The following PHYKPL variants were observed in gnomAD, a reference collection of about 807,000 sequenced individuals.
PHYKPL encodes the protein 5-phosphohydroxy-L-lysine phospho-lyase.
Under a neutral mutation model 51.3 loss-of-function variants are expected in PHYKPL, and 42 were observed. The observed-to-expected ratio is 0.82, with a 90% CI of 0.64 to 1.06. PHYKPL has a LOEUF of 1.06. Among genes scored for constraint, PHYKPL ranks in the 50% least tolerant of loss-of-function variants. PHYKPL has a pLI of 0.00. For missense variants in PHYKPL, 655 were observed against 586.6 expected, an observed-to-expected ratio of 1.12 and a Z score of -1.20; for synonymous variants, 264 against 236.0, an observed-to-expected ratio of 1.12 and a Z score of -1.09.
At chr5:178,230,161 C>A in intron 2 of PHYKPL, 62 bp from the exon 3 acceptor site, 1 of 1,598,616 alleles carries the variant, frequency 6.3e-7, no homozygotes, top group Non-Finnish European at 8.5e-7. Flanking sequence ...CTGGGCCTCC[C>A]CCAGCCCCAA....
chr5:178,223,353 G>A (rs1761594093), intron 6 of PHYKPL: 1 of 457,298 alleles, frequency 2.2e-6, no homozygotes, highest in Admixed American at 2.3e-5. Context: ...TTCTTCCTTG[G>A]ACTCCTGCAG....
chr5:178,222,444 T>C lies in PHYKPL; in HGVS notation c.838A>G (p.Ile280Val), dbSNP rs1456695670. The C allele has an allele frequency of 1.9e-6, 3 of 1,614,142 alleles. No individual in the cohort carries two copies. The highest frequency in any genetic ancestry group is 1.7e-5 in the Admixed American group (1 of 60,016). Residue 280 changes from isoleucine (I) to valine (V), a missense_variant, in exon 8 of 13, where the codon ATT (isoleucine) becomes GTT (valine). Coordinates refer to ENST00000308158, the MANE Select transcript of PHYKPL (RefSeq NM_153373.4). ...VPDIVTMGKS[I>V]GNGHPVACVA... ...CAGGCAACAGGGTGGCCGTTGCCAA[T>C]GGACTTGCCCATGGTGACGATGTCA...
rs201748394 is a variant in PHYKPL at position 178,231,480 on chromosome 5, C to A, written c.103G>T (p.Val35Phe). The A allele has an allele frequency of 6.2e-6, 10 of 1,614,018 alleles. No individual in the cohort carries two copies. The highest frequency in any genetic ancestry group is 7.6e-6 in the Non-Finnish European group (9 of 1,180,036). The part of the protein sequence containing the change: ...LFFPEDPVKI[V>F]RAQGQYMYDE... Reference sequence around the variant, plus strand: ...TACATGTACTGCCCTTGGGCCCGGACAATCTTAACAGGATCCTCGGGAAAA... The same window carrying A: ...TACATGTACTGCCCTTGGGCCCGGAAAATCTTAACAGGATCCTCGGGAAAA... The change falls in exon 2 of 13, where the codon GTC (valine) becomes TTC (phenylalanine). Residue 35 changes from valine to phenylalanine, a missense_variant. Val to Phe is a conservative substitution (Grantham distance 50). Coordinates refer to ENST00000308158, the MANE Select transcript of PHYKPL (RefSeq NM_153373.4).
intron 2 of PHYKPL, chr5:178,231,089 T>A: frequency 3.1e-6 from 1 of 318,940 alleles, no homozygotes; most frequent in Non-Finnish European, 6.0e-6. Context: ...AGCACTGCCA[T>A]GACCCCAGCA....
chr5:178,217,575 T>C (rs1404389978), intron 8 of PHYKPL, among the ~76,000 whole-genome samples: 1 of 145,012 alleles, frequency 6.9e-6, no homozygotes, highest in Non-Finnish European at 1.5e-5. Context: ...AAAAAAAAAG[T>C]CAGCCGGCCG....
intron 6 of PHYKPL, chr5:178,224,207 C>T (rs897614999): frequency 1.0e-5 from 5 of 488,364 alleles, no homozygotes; most frequent in Non-Finnish European, 1.8e-5. Context: ...CAGAGAGCAC[C>T]CCCTCCAAGG....
intron 8 of PHYKPL, among the ~76,000 whole-genome samples, chr5:178,219,960 G>A (rs565281203): frequency 9.9e-5 from 15 of 151,470 alleles, no homozygotes; most frequent in Admixed American, 3.3e-4. Context: ...TTGGGAGGCC[G>A]AGGTGGGCCG....
chr5:178,227,864 G>A (rs965885694), intron 3 of PHYKPL, among the ~76,000 whole-genome samples: 2 of 152,188 alleles, frequency 1.3e-5, no homozygotes, highest in Admixed American at 6.5e-5. Flanking sequence ...AGGGAGTTAA[G>A]AGGCATCATG....
At chr5:178,214,719 C>G in intron 10 of PHYKPL, 77 bp downstream of exon 10, 1 of 1,337,200 alleles carries the variant, frequency 7.5e-7, no homozygotes, top group African/African-American at 1.4e-5. Flanking sequence ...AGATGAGGCT[C>G]CTTTCCACTG....
In PHYKPL at chr5:178,224,746, A is replaced by G; in HGVS notation, c.414-17T>C. The stretch of plus-strand genomic sequence containing the variant: ...TGATACGCACTGGGGAGGAGAAGGG[A>G]GGGTAGGCTCGGGTCCGGGCAGCAC... On this transcript the variant is annotated splice_polypyrimidine_tract_variant and intron_variant, in intron 4 of 12. Transcript: ENST00000308158. 1 of 1,603,872 alleles carries G rather than the reference A, an allele frequency of 6.2e-7. No homozygotes were observed. The highest frequency in any genetic ancestry group is 8.5e-7 in the Non-Finnish European group (1 of 1,171,874).
At chr5:178,215,517 G>A (rs17639362) in intron 8 of PHYKPL, 87 bp from the exon 9 acceptor site, 389,877 of 1,458,878 alleles carry the variant, frequency 0.27, 54,059 homozygotes, top group Admixed American at 0.39. Context: ...ACTGCCACAC[G>A]TGTTCCAAGG....
chr5:178,229,412 C>T (rs1025511794), intron 3 of PHYKPL, among the ~76,000 whole-genome samples: 2 of 152,154 alleles, frequency 1.3e-5, no homozygotes, highest in African/African-American at 2.4e-5. Context: ...CCAGCCTTGA[C>T]GAGACTTCTG....
intron 5 of PHYKPL, 31 bp downstream of exon 5, chr5:178,224,611 C>T (rs968750940): frequency 3.1e-6 from 5 of 1,614,000 alleles, no homozygotes; most frequent in Non-Finnish European, 4.2e-6. Flanking sequence ...GGGACAGGCA[C>T]CGACCTGTTG....
chr5:178,207,924 G>A (rs892299405), downstream of PHYKPL, among the ~76,000 whole-genome samples: 1 of 151,958 alleles, frequency 6.6e-6, no homozygotes, highest in Admixed American at 6.6e-5. Flanking sequence ...GCCATCCTCT[G>A]CCTTGGCCTT....
chr5:178,219,719 G>T (rs1760740397), intron 8 of PHYKPL, among the ~76,000 whole-genome samples: 1 of 151,692 alleles, frequency 6.6e-6, no homozygotes, highest in Non-Finnish European at 1.5e-5. Context: ...CAAAGTGCTG[G>T]GATTACAGGC....
chr5:178,224,147 C>T (rs1224466257), intron 6 of PHYKPL, among the ~76,000 whole-genome samples: 3 of 152,218 alleles, frequency 2.0e-5, no homozygotes, highest in African/African-American at 7.2e-5. Flanking sequence ...GTGGGATGCC[C>T]TTCCTCTGCT....
At chr5:178,209,397 G>A (rs2113589135) in intron 12 of PHYKPL, 1 of 1,614,218 alleles carries the variant, frequency 6.2e-7, no homozygotes, top group East Asian at 2.2e-5. Context: ...GGGGGCCGTG[G>A]AAACCGCAAC....
rs776805098 is a variant in PHYKPL, at chr5:178,211,967, A to G, written c.1307T>C (p.Met436Thr). 12 of 1,614,048 alleles carry G rather than the reference A, an allele frequency of 7.4e-6. No homozygotes were observed. Among genetic ancestry groups the G allele is most frequent in the Non-Finnish European group, 1.0e-5 (12 of 1,180,032 alleles). ...TTCACAACTTCTCACCTTCTCTTCC[A>G]TGTCTGAAAAAGACCACAAAGCAAT... Reference protein sequence around the residue: ...VAKLDAILTDMEEKVRSCETL... With the variant: ...VAKLDAILTDTEEKVRSCETL... Residue 436 changes from methionine to threonine, a missense_variant, in exon 12 of 13, where the codon ATG becomes ACG. Coordinates refer to ENST00000308158, the MANE Select transcript of PHYKPL (RefSeq NM_153373.4).
intron 12 of PHYKPL, among the ~76,000 whole-genome samples, chr5:178,209,797 C>T (rs1363222905): frequency 1.3e-5 from 2 of 152,250 alleles, no homozygotes; most frequent in Admixed American, 6.5e-5. Context: ...GGCATTTATC[C>T]CCTTCCATCC....
Sources: allele counts gnomAD v4.1 joint callset (sites outside exome capture counted in the v4.1 genomes callset), GRCh38; gene constraint gnomAD v4.1.1; transcripts MANE v1.5; gene names NCBI Gene and HGNC (gene_info 2026-07-23, HGNC 2026-07-21).